The following PDS5B variants were observed in gnomAD, a reference collection of about 807,000 sequenced individuals.
PDS5B encodes sister chromatid cohesion protein PDS5 homolog B.
In PDS5B, 51 loss-of-function variants were observed where a neutral mutation model predicts 184.1. The observed-to-expected ratio is 0.28, with a 90% CI of 0.22 to 0.35. The LOEUF (loss-of-function observed/expected upper bound fraction) is 0.35. Among genes scored for constraint, PDS5B ranks in the 10% least tolerant of loss-of-function variants. PDS5B has a pLI of 1.00. For synonymous variants in PDS5B, 566 were observed against 569.2 expected (o/e 0.99, Z 0.08); for missense variants, 1,180 against 1,723.3 (o/e 0.68, Z 5.58).
At chr13:32,716,133 G>C (rs1429761358) in intron 19 of PDS5B, among the ~76,000 whole-genome samples, 1 of 151,770 alleles carries the variant, frequency 6.6e-6, no homozygotes, top group Non-Finnish European at 1.5e-5. Context: ...CGTCTGGGAC[G>C]TGAGGAGCCC....
intron 8 of PDS5B, among the ~76,000 whole-genome samples, chr13:32,675,465 T>G (rs1951040833): frequency 1.3e-5 from 2 of 152,200 alleles, no homozygotes; most frequent in African/African-American, 4.8e-5. Flanking sequence ...AGGCCTGGCC[T>G]CTGTCAGTGT....
At chr13:32,601,324 A>G (rs1432493511) in intron 1 of PDS5B, among the ~76,000 whole-genome samples, 2 of 152,192 alleles carry the variant, frequency 1.3e-5, no homozygotes, top group Non-Finnish European at 2.9e-5. Flanking sequence ...CATTCATTTT[A>G]AACTGGGCGT....
At chr13:32,658,113 T>A in intron 3 of PDS5B, 126 bp from the exon 4 acceptor site, 1 of 471,944 alleles carries the variant, frequency 2.1e-6, no homozygotes, top group East Asian at 3.4e-5. Context: ...AAATAAAATT[T>A]TTTTCTGGTT....
chr13:32,679,513 A>G (rs762061273), intron 10 of PDS5B, among the ~76,000 whole-genome samples: 4 of 152,078 alleles, frequency 2.6e-5, no homozygotes, highest in Admixed American at 6.6e-5. Flanking sequence ...GCATGCGCCT[A>G]TAATCCCAGC....
intron 19 of PDS5B, among the ~76,000 whole-genome samples, chr13:32,723,741 A>G (rs150309796): frequency 6.6e-6 from 1 of 152,224 alleles, no homozygotes; most frequent in Non-Finnish European, 1.5e-5. Flanking sequence ...GATTTATGAG[A>G]AGATAGGTCT....
At position 32,776,737 on chromosome 13, in the gene PDS5B, T is replaced by C. The variant is rs761464170; in HGVS notation, c.*1685T>C. On this transcript the variant is annotated 3_prime_UTR_variant, in exon 35 of 35. Transcript: ENST00000315596. Reference sequence around the variant, plus strand: ...GGCATATAATAAAGAAGCTACTATTTTGGAAAATGACATTTTACTATTTGC... The same window carrying C: ...GGCATATAATAAAGAAGCTACTATTCTGGAAAATGACATTTTACTATTTGC... The C allele has an allele frequency of 3.3e-5, 5 of 152,524 alleles. No homozygotes were observed. The highest frequency in any genetic ancestry group is 7.2e-5 in the African/African-American group (3 of 41,468). 9.4% of individuals were successfully genotyped at this position (152,524 alleles called of 1,614,324 possible).
intron 11 of PDS5B, among the ~76,000 whole-genome samples, chr13:32,686,019 A>G (rs574880148): frequency 6.6e-6 from 1 of 152,312 alleles, no homozygotes; most frequent in South Asian, 2.1e-4. Flanking sequence ...TATTCTTAAT[A>G]TACTGTAATT....
At chr13:32,639,855 C>T (rs1328150430) in intron 1 of PDS5B, among the ~76,000 whole-genome samples, 1 of 152,138 alleles carries the variant, frequency 6.6e-6, no homozygotes, top group African/African-American at 2.4e-5. Context: ...ATTAACATGG[C>T]CCAGTATGGA....
Position 32,759,033 on chromosome 13 carries a change from G to A in PDS5B, c.3309+380G>A, listed in dbSNP as rs148285667. 8.2e-3 allele frequency among the ~76,000 whole-genome samples: 1,253 copies of A among 152,220 alleles called. 12 individuals carry two copies. The highest frequency in any genetic ancestry group is 0.02 in the African/African-American group (838 of 41,536). On this transcript the variant is annotated intron_variant, in intron 28 of 34. Transcript: ENST00000315596. ...AAGCAGAGAACAGACACTAGAACAT[G>A]CCTAAGACCCTGGGAATACTACAAG...
In PDS5B at chr13:32,738,674, C is replaced by CT. The variant is rs886737923; in HGVS notation, c.2407-2397dup. Reference sequence around the variant, plus strand: ...TTGATCCTTTGAACAAAAGTTATTCCTTTTTTTTTCTTTTTGAGATGGAGT... The same window carrying CT: ...TTGATCCTTTGAACAAAAGTTATTCCTTTTTTTTTTCTTTTTGAGATGGAGT... On this transcript the variant is annotated intron_variant, in intron 21 of 34. Coordinates refer to ENST00000315596, the MANE Select transcript of PDS5B (RefSeq NM_015032.4). Among the ~76,000 whole-genome samples the CT allele has an allele frequency of 1.7e-4, 25 of 151,250 alleles. No individual in the cohort carries two copies. The East Asian group carries it at 2.7e-3, about 16-fold the overall frequency.
chr13:32,701,190 C>T (rs1951851821), intron 16 of PDS5B, 133 bp from the exon 17 acceptor site: 1 of 549,962 alleles, frequency 1.8e-6, no homozygotes. Flanking sequence ...TTTTTCTGGG[C>T]TTGTTCAATT....
chr13:32,624,235 C>T (rs2058341467), intron 1 of PDS5B, among the ~76,000 whole-genome samples: 1 of 152,054 alleles, frequency 6.6e-6, no homozygotes, highest in Admixed American at 6.6e-5. Context: ...ATTTTGCTTT[C>T]ATGTTTAGAG....
At chr13:32,598,037 C>A (rs183344261) in intron 1 of PDS5B, among the ~76,000 whole-genome samples, 40 of 151,972 alleles carry the variant, frequency 2.6e-4, no homozygotes, top group Admixed American at 2.2e-3. Context: ...TCAGACGAGA[C>A]GTTTCCTTCC....
intron 1 of PDS5B, among the ~76,000 whole-genome samples, chr13:32,627,195 G>T (rs768122387): frequency 2.6e-5 from 4 of 152,166 alleles, no homozygotes; most frequent in Admixed American, 6.5e-5. Flanking sequence ...ATATCCCTCA[G>T]TGCCTGTGAA....
At chr13:32,660,147 C>T (rs146142904) in intron 6 of PDS5B, among the ~76,000 whole-genome samples, 1 of 152,254 alleles carries the variant, frequency 6.6e-6, no homozygotes, top group Non-Finnish European at 1.5e-5. Flanking sequence ...TCCTGCTGCA[C>T]CTTCTGAATG....
intron 24 of PDS5B, among the ~76,000 whole-genome samples, chr13:32,748,807 T>C (rs1198380178): frequency 2.0e-5 from 3 of 152,188 alleles, no homozygotes; most frequent in East Asian, 1.9e-4. Flanking sequence ...GCATTTCTTA[T>C]ACCTAAAAGC....
At chr13:32,735,459 T>TA (rs1310765524) in intron 21 of PDS5B, 129 bp downstream of exon 21, 26 of 625,654 alleles carry the variant, frequency 4.2e-5, no homozygotes, top group East Asian at 5.8e-5. Flanking sequence ...TTTTCCTGTT[T>TA]AAAAAAAATA....
intron 2 of PDS5B, 132 bp from the exon 3 acceptor site, chr13:32,651,672 A>G: frequency 1.7e-6 from 1 of 590,014 alleles, no homozygotes. Context: ...GTTCTCTCAA[A>G]TAGAGACTTT....
At chr13:32,765,006 A>G (rs561173828) in intron 31 of PDS5B, among the ~76,000 whole-genome samples, 1 of 152,184 alleles carries the variant, frequency 6.6e-6, no homozygotes, top group East Asian at 1.9e-4. Context: ...GCCTTTTACT[A>G]AATAAGCTGC....
Sources: gnomAD v4.1 joint callset for allele counts (sites outside exome capture counted in the v4.1 genomes callset) on GRCh38, gnomAD v4.1.1 for gene constraint, MANE v1.5 for transcripts, NCBI Gene and HGNC (gene_info 2026-07-23, HGNC 2026-07-21) for gene names.